Variants in NEBL observed in about 807,000 individuals in gnomAD.
The protein encoded by NEBL is nebulette, also known as LIM and SH3 protein 2.
In NEBL, 122 loss-of-function variants were observed where a neutral mutation model predicts 140.2. The ratio of observed to expected loss-of-function variants is 0.87; its 90% CI spans 0.75 to 1.01. NEBL has a LOEUF of 1.01. NEBL is among the 50% of genes least tolerant of loss of function. The probability of loss-of-function intolerance (pLI) is 0.00; values close to 1 mark genes in which losing one functional copy is unlikely to be tolerated. For missense variants in NEBL, 1,365 were observed against 1,231.3 expected, an observed-to-expected ratio of 1.11 and a Z score of -1.62; for synonymous variants, 436 against 398.9, an observed-to-expected ratio of 1.09 and a Z score of -1.11.
At chr10:21,016,895 T>G (rs1415998132) in intron 3 of NEBL, among the ~76,000 whole-genome samples, 2 of 152,188 alleles carry the variant, frequency 1.3e-5, no homozygotes, top group African/African-American at 4.8e-5. Context: ...TACAGAAGTG[T>G]TTTCACCTCT....
chr10:20,894,750 T>TA (rs35938506), intron 2 of NEBL, among the ~76,000 whole-genome samples: 64,293 of 114,432 alleles, frequency 0.56, 18,157 homozygotes, highest in Non-Finnish European at 0.63. Context: ...CCGTCTCTAC[T>TA]AAAAAAAAAA....
intron 2 of NEBL, among the ~76,000 whole-genome samples, chr10:21,087,174 C>T (rs949748550): frequency 6.6e-6 from 1 of 152,182 alleles, no homozygotes; most frequent in Admixed American, 6.5e-5. Flanking sequence ...GGGAAAGTTA[C>T]TGTCTCCTCC....
At chr10:20,989,263 C>T (rs12258290) in intron 3 of NEBL, among the ~76,000 whole-genome samples, 5,311 of 152,102 alleles carry the variant, frequency 0.035, 293 homozygotes, top group African/African-American at 0.12. Flanking sequence ...AGTTTAAAAA[C>T]ATATTTAATC....
intron 3 of NEBL, among the ~76,000 whole-genome samples, chr10:21,235,253 G>T (rs1174449695): frequency 6.6e-6 from 1 of 152,076 alleles, no homozygotes; most frequent in African/African-American, 2.4e-5. Flanking sequence ...CTACGACTGT[G>T]CCACTGCAGT....
Position 20,870,783 on chromosome 10 carries a change from T to C in NEBL, c.481-942A>G, listed in dbSNP as rs188965732. On this transcript the variant is annotated intron_variant, in intron 5 of 27. Transcript: ENST00000377122. ...GAGTAACATTCTCCTTCTGAATGCA[T>C]GTTAGACACAAACCAAAGTATGGTA... Among the ~76,000 whole-genome samples, 57 of 152,354 alleles carry C rather than the reference T, an allele frequency of 3.7e-4. No individual in the cohort carries two copies. The East Asian group carries it at 9.8e-3, about 26-fold the overall frequency.
At chr10:20,988,014 A>G (rs1396292194) in intron 3 of NEBL, among the ~76,000 whole-genome samples, 1 of 152,238 alleles carries the variant, frequency 6.6e-6, no homozygotes. Flanking sequence ...AAATATGTCA[A>G]GTCTTCCTCA....
chr10:20,798,943 T>C lies in NEBL; in HGVS notation c.2761+9567A>G, dbSNP rs145846999. Among the ~76,000 whole-genome samples, 317 of 152,300 alleles carry C rather than the reference T, an allele frequency of 2.1e-3. 2 individuals are homozygous for C. The highest frequency in any genetic ancestry group is 6.7e-3 in the African/African-American group (277 of 41,570). On this transcript the variant is annotated intron_variant, in intron 26 of 27. Coordinates refer to ENST00000377122, the MANE Select transcript of NEBL (RefSeq NM_006393.3). ...TGACATTTCTTTCATTCCATTTCTA[T>C]TGAGACTAGGAATACAAGTTTCGCT...
chr10:20,967,977 G>A (rs997460424), intron 3 of NEBL, among the ~76,000 whole-genome samples: 6 of 152,128 alleles, frequency 3.9e-5, no homozygotes, highest in Non-Finnish European at 5.9e-5. Context: ...GAGAAAATGA[G>A]TATTATAACC....
intron 3 of NEBL, among the ~76,000 whole-genome samples, chr10:20,987,610 C>T (rs755618188): frequency 1.3e-5 from 2 of 152,140 alleles, no homozygotes; most frequent in Non-Finnish European, 2.9e-5. Context: ...GCTGTGCTGC[C>T]TCCCAAATCT....
chr10:21,130,732 G>A (rs1462573694), intron 2 of NEBL, among the ~76,000 whole-genome samples: 2 of 152,014 alleles, frequency 1.3e-5, no homozygotes, highest in South Asian at 2.1e-4. Context: ...GGGATGCCAC[G>A]AAATCAGTGA....
chr10:20,948,586 T>A (rs1379717344), intron 4 of NEBL, among the ~76,000 whole-genome samples: 1 of 151,906 alleles, frequency 6.6e-6, no homozygotes, highest in African/African-American at 2.4e-5. Context: ...TTGGAGAAAA[T>A]GAGGGGAATA....
Position 21,233,827 on chromosome 10 carries a change from G to A in NEBL, n.348+14094C>T, listed in dbSNP as rs146784177. ...ATATAGATATATATTACATATATAT[G>A]CATATATATGGATATATATTACATA... On this transcript the variant is annotated intron_variant and non_coding_transcript_variant, in intron 3 of 8. Coordinates refer to the NEBL transcript ENST00000675702. Among the ~76,000 whole-genome samples, 920 of 124,564 alleles carry A rather than the reference G, an allele frequency of 7.4e-3. 12 individuals carry two copies. Among genetic ancestry groups the A allele is most frequent in the African/African-American group, 0.025 (865 of 34,238 alleles). 81.7% of individuals were successfully genotyped at this position (124,564 alleles called of 152,430 possible). A position where few individuals can be genotyped will look rare whatever the true frequency, so the allele number is the denominator to read the frequency against.
At chr10:21,236,798 A>C (rs1842358904) in intron 3 of NEBL, among the ~76,000 whole-genome samples, 1 of 152,198 alleles carries the variant, frequency 6.6e-6, no homozygotes, top group Admixed American at 6.5e-5. Context: ...ACTAAACTCC[A>C]CTAACAACTA....
intron 24 of NEBL, among the ~76,000 whole-genome samples, chr10:20,810,318 G>C (rs897071319): frequency 1.3e-5 from 2 of 152,002 alleles, no homozygotes; most frequent in Non-Finnish European, 1.5e-5. Context: ...GGACATGTGA[G>C]TAATTCATAG....
chr10:21,291,975 T>C (rs1376399013), intron 1 of NEBL, among the ~76,000 whole-genome samples: 1 of 150,436 alleles, frequency 6.6e-6, no homozygotes, highest in Non-Finnish European at 1.5e-5. Context: ...CAGATGATAA[T>C]TGCTGTTATA....
chr10:20,915,453 T>C (rs904617400), intron 4 of NEBL, among the ~76,000 whole-genome samples: 6 of 143,034 alleles, frequency 4.2e-5, no homozygotes, highest in Non-Finnish European at 9.1e-5. Context: ...CCCCTTCCTG[T>C]GTCCATGTGT....
chr10:20,919,303 G>A (rs948971511), intron 4 of NEBL, among the ~76,000 whole-genome samples: 2 of 152,152 alleles, frequency 1.3e-5, no homozygotes, highest in African/African-American at 2.4e-5. Flanking sequence ...GGGAGATACT[G>A]GATAGGTTTG....
chr10:21,102,237 T>A (rs1028814479), intron 2 of NEBL, among the ~76,000 whole-genome samples: 27 of 152,298 alleles, frequency 1.8e-4, no homozygotes, highest in Non-Finnish European at 2.9e-4. Context: ...GTCTCGAAAT[T>A]CTCTATATCT....
chr10:21,243,743 G>C (rs779717258), intron 3 of NEBL, among the ~76,000 whole-genome samples: 2 of 152,178 alleles, frequency 1.3e-5, no homozygotes, highest in Non-Finnish European at 2.9e-5. Context: ...TTCAACCTGC[G>C]CTTCCTTTCC....
Sources: allele counts gnomAD v4.1 joint callset (sites outside exome capture counted in the v4.1 genomes callset), GRCh38; gene constraint gnomAD v4.1.1; transcripts MANE v1.5; gene names NCBI Gene and HGNC (gene_info 2026-07-23, HGNC 2026-07-21).